Variants in SBNO1 observed in about 807,000 individuals in gnomAD.
SBNO1 encodes protein strawberry notch homolog 1.
In SBNO1, 23 loss-of-function variants were observed where a neutral mutation model predicts 173.6. That is an observed-to-expected ratio of 0.13 (90% CI 0.10 to 0.19). The LOEUF (loss-of-function observed/expected upper bound fraction) is 0.19. SBNO1 is among the 10% of genes least tolerant of loss of function. SBNO1 has a pLI of 1.00. For synonymous variants in SBNO1, 632 were observed against 571.5 expected (o/e 1.11, Z -1.51); for missense variants, 1,238 against 1,671.2 (o/e 0.74, Z 4.52).
chr12:123,292,397 C>G lies in SBNO1; in HGVS notation c.*3511G>C, dbSNP rs1280533748. 1.3e-5 allele frequency: 2 copies of G among 152,172 alleles called. No homozygotes were observed. The highest frequency in any genetic ancestry group is 2.9e-5 in the Non-Finnish European group (2 of 68,036). The allele number at this position is 152,172 out of a possible 1,614,324, so 9.4% of individuals were successfully genotyped here. A position where few individuals can be genotyped will look rare whatever the true frequency, so the allele number is the denominator to read the frequency against. On this transcript the variant is annotated 3_prime_UTR_variant, in exon 32 of 32. Coordinates refer to ENST00000602398, the MANE Select transcript of SBNO1 (RefSeq NM_001167856.3). ...CTTCCATGAAGTGAGATGCAACAATCATTTCCAATCTATTTTTTTATCTCA... is the reference window on the plus strand; with the variant it reads ...CTTCCATGAAGTGAGATGCAACAATGATTTCCAATCTATTTTTTTATCTCA...
At chr12:123,326,078 C>A in intron 14 of SBNO1, 74 bp downstream of exon 14, 1 of 1,031,842 alleles carries the variant, frequency 9.7e-7, no homozygotes. Flanking sequence ...ATTTTACAAG[C>A]AGAAAACCTC....
In SBNO1 at chr12:123,327,831, A is replaced by G; in HGVS notation, c.1433-19T>C. On this transcript the variant is annotated intron_variant, in intron 11 of 31. Coordinates refer to ENST00000602398, the MANE Select transcript of SBNO1 (RefSeq NM_001167856.3). ...GAAGCACCTGAAAATCCCACAAATG[A>G]AATATATTATAGTTGAAAAAATAAC... 6.2e-7 allele frequency: 1 copy of G among 1,609,038 alleles called. No homozygotes were observed. Among genetic ancestry groups the G allele is most frequent in the African/African-American group, 1.3e-5 (1 of 74,894 alleles).
chr12:123,305,795 G>A (rs549163192), intron 28 of SBNO1, among the ~76,000 whole-genome samples: 2 of 152,070 alleles, frequency 1.3e-5, no homozygotes, highest in African/African-American at 2.4e-5. Context: ...TTTAAAGTTG[G>A]ATTTATGAGA....
At chr12:123,336,324 CAAAACA>C in intron 6 of SBNO1, 65 bp downstream of exon 6, 3 of 1,019,036 alleles carry the variant, frequency 2.9e-6, no homozygotes, top group Non-Finnish European at 4.4e-6. Flanking sequence ...TGGAAAAAAA[CAAAACA>C]AAAAGAACCA....
At chr12:123,341,996 T>C (rs1872620302) in intron 4 of SBNO1, among the ~76,000 whole-genome samples, 1 of 151,006 alleles carries the variant, frequency 6.6e-6, no homozygotes, top group African/African-American at 2.4e-5. Flanking sequence ...TTTGAGACAC[T>C]TCATTTGACT....
rs370680179 is a variant in SBNO1, at chr12:123,336,385, G to A, written c.748+10C>T. 1.3e-4 allele frequency: 193 copies of A among 1,496,778 alleles called. No homozygotes were observed. Among genetic ancestry groups the A allele is most frequent in the Non-Finnish European group, 1.7e-4 (180 of 1,085,292 alleles). 92.7% of individuals were successfully genotyped at this position (1,496,778 alleles called of 1,614,324 possible). A position where few individuals can be genotyped will look rare whatever the true frequency, so the allele number is the denominator to read the frequency against. On this transcript the variant is annotated intron_variant, in intron 6 of 31. Transcript: ENST00000602398. ...TTGATGTAAATATCTGACAAATCCC[G>A]AAGACATACATTTTATTGGCATGTA... is the stretch of plus-strand genomic sequence containing the variant.
intron 20 of SBNO1, among the ~76,000 whole-genome samples, chr12:123,318,067 TCCTTTCA>T (rs1869499629): frequency 6.6e-6 from 1 of 152,160 alleles, no homozygotes; most frequent in South Asian, 2.1e-4. Context: ...GCTCAAGTGA[TCCTTTCA>T]CCTCAGCCTC....
At chr12:123,339,345 A>G (rs1872260365) in intron 5 of SBNO1, among the ~76,000 whole-genome samples, 2 of 151,844 alleles carry the variant, frequency 1.3e-5, no homozygotes, top group Non-Finnish European at 2.9e-5. Context: ...CCTTAGGTTA[A>G]CCAACTTTCC....
chr12:123,343,885 A>T (rs1026858551), intron 4 of SBNO1, among the ~76,000 whole-genome samples: 7 of 152,132 alleles, frequency 4.6e-5, no homozygotes, highest in Non-Finnish European at 2.9e-5. Context: ...TCAGGCTTCC[A>T]TACATGGATA....
At chr12:123,315,693 T>C (rs1365871355) in intron 21 of SBNO1, 33 bp from the exon 22 acceptor site, 6 of 1,176,976 alleles carry the variant, frequency 5.1e-6, no homozygotes, top group African/African-American at 4.5e-5. Context: ...AGATCATTGA[T>C]TGTGTTCGCT....
intron 19 of SBNO1, 66 bp from the exon 20 acceptor site, chr12:123,320,097 TTTCC>T: frequency 6.4e-7 from 1 of 1,567,808 alleles, no homozygotes; most frequent in Non-Finnish European, 8.7e-7. Context: ...TCAGTGCCTC[TTTCC>T]TTGAAGACAC....
At chr12:123,309,232 C>A (rs766575975) in intron 28 of SBNO1, 78 bp downstream of exon 28, 6 of 1,037,706 alleles carry the variant, frequency 5.8e-6, no homozygotes, top group South Asian at 1.3e-5. Flanking sequence ...GAAACAGGTA[C>A]AAAGTGAAGA....
In SBNO1 at chr12:123,309,525, T is replaced by C; in HGVS notation, c.3501A>G (p.Pro1167=). The change falls in exon 27 of 32, where the codon CCA becomes CCG. Residue 1167 remains proline (P), a synonymous_variant. Coordinates refer to ENST00000602398, the MANE Select transcript of SBNO1 (RefSeq NM_001167856.3). ...RKSDVKKFLT[P]GYSTSGHVEL... ...CTACGTGGCCAGAGGTTGAATATCC[T>C]GGAGTCAGAAACTTTTTAACATCAC... is the stretch of plus-strand genomic sequence containing the variant. The C allele has an allele frequency of 1.9e-6, 3 of 1,614,038 alleles. No homozygotes were observed. Among genetic ancestry groups the C allele is most frequent in the Non-Finnish European group, 2.5e-6 (3 of 1,179,878 alleles).
intron 3 of SBNO1, among the ~76,000 whole-genome samples, chr12:123,346,966 T>C (rs1873231089): frequency 6.7e-6 from 1 of 149,756 alleles, no homozygotes; most frequent in African/African-American, 2.5e-5. Flanking sequence ...TAGTCCCAGC[T>C]GCTTGGAAGG....
chr12:123,313,570 C>T (rs1868885287), intron 24 of SBNO1, 50 bp downstream of exon 24: 4 of 973,066 alleles, frequency 4.1e-6, no homozygotes, highest in Middle Eastern at 2.4e-4. Flanking sequence ...GGTTTGAGTA[C>T]ATCTTTGTCA....
In SBNO1 at chr12:123,336,364, T is replaced by C. The variant is rs778040055; in HGVS notation, c.748+31A>G. 12 of 1,281,644 alleles carry C rather than the reference T, an allele frequency of 9.4e-6. No individual in the cohort carries two copies. In the East Asian group the frequency reaches 1.7e-4, roughly 18 times the overall value. The allele number at this position is 1,281,644 out of a possible 1,614,324, so 79.4% of individuals were successfully genotyped here. Reference sequence around the variant, plus strand: ...CAAAGAAACCACAGGAAAACTTTGATGTAAATATCTGACAAATCCCGAAGA... The same window carrying C: ...CAAAGAAACCACAGGAAAACTTTGACGTAAATATCTGACAAATCCCGAAGA... On this transcript the variant is annotated intron_variant, in intron 6 of 31. Transcript: ENST00000602398.
At chr12:123,343,758 G>C (rs946587766) in intron 4 of SBNO1, among the ~76,000 whole-genome samples, 10 of 151,930 alleles carry the variant, frequency 6.6e-5, no homozygotes, top group Non-Finnish European at 1.5e-4. Context: ...GGCTGGTCTT[G>C]AACTCCTGAC....
At chr12:123,331,529 G>T (rs1566040976) in intron 7 of SBNO1, among the ~76,000 whole-genome samples, 154 bp from the exon 8 acceptor site, 1 of 151,882 alleles carries the variant, frequency 6.6e-6, no homozygotes, top group Non-Finnish European at 1.5e-5. Flanking sequence ...TAGAGTTTTG[G>T]ATTTTTTTTT....
intron 1 of SBNO1, among the ~76,000 whole-genome samples, chr12:123,356,117 C>T (rs752731685): frequency 7.9e-5 from 12 of 152,104 alleles, no homozygotes; most frequent in Non-Finnish European, 1.3e-4. Flanking sequence ...ATCATGGAGT[C>T]GGACAAAATA....
Sources: gnomAD v4.1 joint callset for allele counts (sites outside exome capture counted in the v4.1 genomes callset) on GRCh38, gnomAD v4.1.1 for gene constraint, MANE v1.5 for transcripts, NCBI Gene and HGNC (gene_info 2026-07-23, HGNC 2026-07-21) for gene names.